The following TULP1 variants were observed in gnomAD, a reference collection of about 807,000 sequenced individuals.
TULP1 encodes TUB like protein 1, also known as tubby-related protein 1.
In TULP1, 50 loss-of-function variants were observed where a neutral mutation model predicts 67.1. The observed-to-expected ratio is 0.75, with a 90% CI of 0.59 to 0.94. The LOEUF (loss-of-function observed/expected upper bound fraction) is 0.94. TULP1 is among the 40% of genes least tolerant of loss of function. The pLI is 0.00. For missense variants in TULP1, 746 were observed against 734.1 expected (o/e 1.02, Z -0.19); for synonymous variants, 297 against 294.0 (o/e 1.01, Z -0.11).
At chr6:35,512,420 C>G in intron 2 of TULP1, 150 bp from the exon 3 acceptor site, 1 of 675,624 alleles carries the variant, frequency 1.5e-6, no homozygotes, top group Non-Finnish European at 2.5e-6. Flanking sequence ...CAGGATGACC[C>G]CTTCCATGCA....
chr6:35,509,442 CA>C, intron 7 of TULP1, 130 bp from the exon 8 acceptor site: 3 of 1,116,184 alleles, frequency 2.7e-6, no homozygotes, highest in Non-Finnish European at 1.4e-6. Context: ...TATTAGAGCC[CA>C]AAAAGGCTAA....
intron 8 of TULP1, 109 bp from the exon 9 acceptor site, chr6:35,506,388 G>C: frequency 1.4e-6 from 2 of 1,380,924 alleles, no homozygotes; most frequent in Non-Finnish European, 2.0e-6. Flanking sequence ...GCCAAGTTAG[G>C]AGGCTCTGGG....
intron 4 of TULP1, 97 bp downstream of exon 4, chr6:35,511,551 G>A (rs2150928275): frequency 6.5e-7 from 1 of 1,534,626 alleles, no homozygotes; most frequent in African/African-American, 1.4e-5. Flanking sequence ...TTTGACTACA[G>A]TTGTTTTCTG....
intron 7 of TULP1, 92 bp downstream of exon 7, chr6:35,509,542 T>C: frequency 7.5e-7 from 1 of 1,333,968 alleles, no homozygotes; most frequent in Non-Finnish European, 1.1e-6. Flanking sequence ...ACTCCTTACC[T>C]AGCACTGTCT....
rs558968805 is a variant in TULP1, at chr6:35,503,024, G to A, written c.1323+535C>T. ...ACCATCTCGGCTTACTGCAAGCTCC[G>A]CCTCCCAGGTTCACGCCATTCTCCT... is the stretch of plus-strand genomic sequence containing the variant. On this transcript the variant is annotated intron_variant, in intron 13 of 14. Transcript: ENST00000229771. This position sits in a 1 kb window ranked among gnomAD's most constrained non-coding sequence, Gnocchi z 4.0. 8.5e-4 allele frequency among the ~76,000 whole-genome samples: 130 copies of A among 152,104 alleles called. No homozygotes were observed. The highest frequency in any genetic ancestry group is 2.1e-3 in the African/African-American group (88 of 41,500).
At chr6:35,511,577 C>T (rs1169476247) in intron 4 of TULP1, 71 bp downstream of exon 4, 2 of 1,553,824 alleles carry the variant, frequency 1.3e-6, no homozygotes, top group African/African-American at 2.7e-5. Flanking sequence ...CTGGGCCGTT[C>T]CCGTCCAGCC....
At chr6:35,504,719 T>G (rs1403707175) in intron 11 of TULP1, among the ~76,000 whole-genome samples, 1 of 150,830 alleles carries the variant, frequency 6.6e-6, no homozygotes. Flanking sequence ...GCCAGCACGC[T>G]GGGCTAATTT....
At position 35,503,651 on chromosome 6, in the gene TULP1, T is replaced by A; in HGVS notation, c.1231A>T (p.Asn411Tyr). 6.3e-7 allele frequency: 1 copy of A among 1,599,366 alleles called. No homozygotes were observed. Among genetic ancestry groups the A allele is most frequent in the African/African-American group, 1.3e-5 (1 of 74,692 alleles). Residue 411 changes from asparagine to tyrosine, a missense_variant, in exon 13 of 15, where the codon AAC becomes TAC. Coordinates refer to ENST00000229771, the MANE Select transcript of TULP1 (RefSeq NM_003322.6). The surrounding 1 kb of genome is among the most constrained non-coding windows in gnomAD (Gnocchi z 4.0). The part of the protein sequence containing the change: ...QELAAVIYET[N>Y]VLGFRGPRRM... ...CGGGGGCCACGGAAGCCCAGCACGT[T>A]GGTTTCCTGGGAAGGAAACAGATGC... is the stretch of plus-strand genomic sequence containing the variant.
At chr6:35,504,323 C>T (rs556144243) in intron 11 of TULP1, among the ~76,000 whole-genome samples, 12 of 151,736 alleles carry the variant, frequency 7.9e-5, no homozygotes, top group African/African-American at 2.4e-4. Context: ...CCAGCCTGGG[C>T]GACAGAGTAA....
chr6:35,498,387 G>A lies in TULP1; in HGVS notation c.1569C>T (p.Cys523=), dbSNP rs768536269. Residue 523 remains cysteine, a synonymous_variant, in exon 15 of 15, where the codon TGC becomes TGT. Coordinates refer to ENST00000229771, the MANE Select transcript of TULP1 (RefSeq NM_003322.6). This position sits in a 1 kb window ranked among gnomAD's most constrained non-coding sequence, Gnocchi z 6.7. ...GGGCGATGGCGAAGGCCTGCAGGGC[G>A]CACAGCGGGTACCGGTAGTCTAGGG... is the stretch of plus-strand genomic sequence containing the variant. The part of the protein sequence containing the change: ...AFTLDYRYPL[C]ALQAFAIALS... 65 of 1,613,560 alleles carry A rather than the reference G, an allele frequency of 4.0e-5. 1 individual carries two copies. The South Asian group carries it at 5.7e-4, about 14-fold the overall frequency.
chr6:35,509,124 G>T, intron 8 of TULP1, 85 bp downstream of exon 8: 1 of 1,227,346 alleles, frequency 8.1e-7, no homozygotes, highest in Non-Finnish European at 1.2e-6. Flanking sequence ...GTGGCTCCAA[G>T]CCCCCACCCT....
At chr6:35,499,871 C>T (rs1768791928) in intron 14 of TULP1, 110 bp downstream of exon 14, 9 of 1,370,446 alleles carry the variant, frequency 6.6e-6, no homozygotes, top group Admixed American at 3.4e-5. Flanking sequence ...TCCCAGCTCT[C>T]GGGATAAAGG....
rs376074938 is a variant in TULP1 at position 35,510,987 on chromosome 6, C to A, written c.373G>T (p.Glu125Ter). The change falls in exon 5 of 15, where the codon GAG becomes TAG. Residue 125 changes from glutamate to a stop codon, truncating the protein, a stop_gained. Coordinates refer to ENST00000229771, the MANE Select transcript of TULP1 (RefSeq NM_003322.6). LOFTEE classifies it high-confidence loss of function. ...EDEEEEEEED[E>*]EDEEEEAEEK... ...TCTGCCTCCTCTTCCTCGTCCTCCTCGTCCTCCTCTTCCTCCTCCTCCTCT... is the reference window on the plus strand; with the variant it reads ...TCTGCCTCCTCTTCCTCGTCCTCCTAGTCCTCCTCTTCCTCCTCCTCCTCT... 6 of 1,600,930 alleles carry A rather than the reference C, an allele frequency of 3.7e-6. No individual in the cohort carries two copies. The highest frequency in any genetic ancestry group is 5.1e-6 in the Non-Finnish European group (6 of 1,173,742).
chr6:35,499,026 G>C (rs1338841211), intron 14 of TULP1, among the ~76,000 whole-genome samples: 1 of 152,166 alleles, frequency 6.6e-6, no homozygotes, highest in African/African-American at 2.4e-5. Flanking sequence ...ACGTGATCTG[G>C]AGAGCAGTCC....
At position 35,503,745 on chromosome 6, in the gene TULP1, C is replaced by T. The variant is rs2150924217; in HGVS notation, c.1216G>A (p.Val406Met). ...ACAGGTGGAGTCCTCACATAGATCA[C>T]AGCTGCCAGCTCCTGCCGAAGGCTT... ...VASLRQELAAVIYETNVLGFR... is the reference protein window; with the variant it reads ...VASLRQELAAMIYETNVLGFR... The change falls in exon 12 of 15, where the codon GTG becomes ATG. Residue 406 changes from valine (V) to methionine (M), a missense_variant. Transcript: ENST00000229771. This position sits in a 1 kb window ranked among gnomAD's most constrained non-coding sequence, Gnocchi z 4.0. The T allele has an allele frequency of 1.2e-6, 2 of 1,612,800 alleles. No individual in the cohort carries two copies. The highest frequency in any genetic ancestry group is 1.7e-6 in the Non-Finnish European group (2 of 1,179,448).
chr6:35,509,316 A>C lies in TULP1; in HGVS notation c.719-4T>G. 6.2e-7 allele frequency: 1 copy of C among 1,613,812 alleles called. No homozygotes were observed. On this transcript the variant is annotated splice_region_variant and splice_polypyrimidine_tract_variant and intron_variant, in intron 7 of 14. Coordinates refer to ENST00000229771, the MANE Select transcript of TULP1 (RefSeq NM_003322.6). ...TTCCTCGCGCCTTTGGGAGTGCCTG[A>C]GCGTGGAGGGGGAAACAAGGCTGTG...
At position 35,503,621 on chromosome 6, in the gene TULP1, T is replaced by A; in HGVS notation, c.1261A>T (p.Met421Leu). 6.3e-7 allele frequency: 1 copy of A among 1,599,424 alleles called. No individual in the cohort carries two copies. The highest frequency in any genetic ancestry group is 8.5e-7 in the Non-Finnish European group (1 of 1,173,214). ...CTCATGCCAGGAATGATGACGGTCATGCGCCGGGGGCCACGGAAGCCCAGC... is the reference window on the plus strand; with the variant it reads ...CTCATGCCAGGAATGATGACGGTCAAGCGCCGGGGGCCACGGAAGCCCAGC... ...NVLGFRGPRR[M>L]TVIIPGMSAE... Residue 421 changes from methionine to leucine, a missense_variant, in exon 13 of 15, where the codon ATG becomes TTG. Coordinates refer to ENST00000229771, the MANE Select transcript of TULP1 (RefSeq NM_003322.6). This position sits in a 1 kb window ranked among gnomAD's most constrained non-coding sequence, Gnocchi z 4.0.
Position 35,505,748 on chromosome 6 carries a change from T to C in TULP1, c.1105A>G (p.Lys369Glu). ...CAGGAAGCCCAGCCCCACCTCAGCT[T>C]CCCGATGAAATTCTCCCCTCCTCGG... ...LSRGGENFIG[K>E]LRSNLLGNRF... is the part of the protein sequence containing the mutation. Residue 369 changes from lysine (K) to glutamate (E), a missense_variant, in exon 11 of 15, where the codon AAG (lysine) becomes GAG (glutamate). By Grantham distance (56) the Lys-to-Glu change is moderately conservative. Around this residue, in one of 3 missense-constraint regions of TULP1, gnomAD observed 383 missense variants for 374.1 expected, o/e 1.02. Coordinates refer to ENST00000229771, the MANE Select transcript of TULP1 (RefSeq NM_003322.6). The C allele has an allele frequency of 6.2e-7, 1 of 1,614,086 alleles. No homozygotes were observed. The highest frequency in any genetic ancestry group is 8.5e-7 in the Non-Finnish European group (1 of 1,179,996).
At chr6:35,509,543 A>T in intron 7 of TULP1, 91 bp downstream of exon 7, 1 of 1,335,294 alleles carries the variant, frequency 7.5e-7, no homozygotes, top group South Asian at 1.2e-5. Context: ...CTCCTTACCT[A>T]GCACTGTCTT....
Sources: allele counts gnomAD v4.1 joint callset (sites outside exome capture counted in the v4.1 genomes callset), GRCh38; gene constraint gnomAD v4.1.1; regional missense constraint gnomAD v4.1.1; non-coding constraint Gnocchi (gnomAD v3.1); transcripts MANE v1.5; gene names NCBI Gene and HGNC (gene_info 2026-07-23, HGNC 2026-07-21).